The following BSX variants were observed in gnomAD, a reference collection of about 807,000 sequenced individuals.
BSX encodes brain specific homeobox, also known as brain-specific homeobox protein homolog.
A neutral mutation model predicts 16.9 loss-of-function variants in BSX; 12 were observed. The observed-to-expected ratio is 0.71, with a 90% CI of 0.46 to 1.15. BSX has a LOEUF of 1.15. Ranked by LOEUF, BSX falls within the 50% of genes most tolerant of loss-of-function variation. The pLI is 0.00. For missense variants in BSX, 292 were observed against 311.8 expected (o/e 0.94, Z 0.48); for synonymous variants, 160 against 136.4 (o/e 1.17, Z -1.20).
rs751359449 is a variant in BSX at position 122,981,400 on chromosome 11, T to A, written c.262+10A>T. ...CTCACTGCCCATACCTTGAGGTTCC[T>A]GTTACTTACCCGAGGTGGTGAGGAA... is the stretch of plus-strand genomic sequence containing the variant. On this transcript the variant is annotated intron_variant, in intron 1 of 2. Coordinates refer to ENST00000343035, the MANE Select transcript of BSX (RefSeq NM_001098169.2). 14 of 1,512,240 alleles carry A rather than the reference T, an allele frequency of 9.3e-6. No homozygotes were observed. The East Asian group carries it at 2.6e-4, about 28-fold the overall frequency. 93.7% of individuals were successfully genotyped at this position (1,512,240 alleles called of 1,614,324 possible).
chr11:122,977,633 T>TC lies in BSX; in HGVS notation c.*15dup, dbSNP rs748759617. 2 of 1,602,796 alleles carry TC rather than the reference T, an allele frequency of 1.2e-6. No homozygotes were observed. The highest frequency in any genetic ancestry group is 1.7e-6 in the Non-Finnish European group (2 of 1,179,092). Reference sequence around the variant, plus strand: ...CAGTCTCCTCCCCTGCCTACTACCCTCCCCAGCCTGGCGGCTCAGAGCACG... The same window carrying TC: ...CAGTCTCCTCCCCTGCCTACTACCCTCCCCCAGCCTGGCGGCTCAGAGCACG... On this transcript the variant is annotated 3_prime_UTR_variant, in exon 3 of 3. Transcript: ENST00000343035. This position sits in a 1 kb window ranked among gnomAD's most constrained non-coding sequence, Gnocchi z 4.5.
Position 122,977,838 on chromosome 11 carries a change from T to C in BSX, c.513A>G (p.Lys171=). Residue 171 remains lysine (K), a synonymous_variant, in exon 3 of 3, where the codon AAA becomes AAG. Coordinates refer to ENST00000343035, the MANE Select transcript of BSX (RefSeq NM_001098169.2). This position sits in a 1 kb window ranked among gnomAD's most constrained non-coding sequence, Gnocchi z 4.5. ...RRMKHKKQLR[K]SQDEPKAPDG... Reference sequence around the variant, plus strand: ...CTGGTGCTTTGGGTTCGTCTTGGCTTTTCCGCAGTTGCTTTTTATGCTTCA... The same window carrying C: ...CTGGTGCTTTGGGTTCGTCTTGGCTCTTCCGCAGTTGCTTTTTATGCTTCA... 1 of 1,613,984 alleles carries C rather than the reference T, an allele frequency of 6.2e-7. No homozygotes were observed. The highest frequency in any genetic ancestry group is 8.5e-7 in the Non-Finnish European group (1 of 1,179,958).
At chr11:122,978,255 T>G (rs1286808091) in intron 2 of BSX, among the ~76,000 whole-genome samples, 1 of 152,158 alleles carries the variant, frequency 6.6e-6, no homozygotes, top group African/African-American at 2.4e-5. Flanking sequence ...AAGATGAGAA[T>G]TGAAACTCCG....
rs138024906 is a variant in BSX at position 122,977,811 on chromosome 11, G to T, written c.540C>A (p.Asp180Glu). Reference protein sequence around the residue: ...RKSQDEPKAPDGPESPEGSPR... With the variant: ...RKSQDEPKAPEGPESPEGSPR... ...GGCTGCCCTCGGGGCTTTCTGGCCCGTCTGGTGCTTTGGGTTCGTCTTGGC... is the reference window on the plus strand; with the variant it reads ...GGCTGCCCTCGGGGCTTTCTGGCCCTTCTGGTGCTTTGGGTTCGTCTTGGC... The change falls in exon 3 of 3, where the codon GAC (aspartate) becomes GAA (glutamate). Residue 180 changes from aspartate to glutamate, a missense_variant. Transcript: ENST00000343035. This position sits in a 1 kb window ranked among gnomAD's most constrained non-coding sequence, Gnocchi z 4.5. The T allele has an allele frequency of 1.2e-6, 2 of 1,613,994 alleles. No individual in the cohort carries two copies. The highest frequency in any genetic ancestry group is 2.7e-5 in the African/African-American group (2 of 75,034).
chr11:122,981,295 G>C, intron 1 of BSX, 115 bp downstream of exon 1: 1 of 1,038,042 alleles, frequency 9.6e-7, no homozygotes, highest in Non-Finnish European at 1.4e-6. Context: ...AGGGAAAGAG[G>C]CCACCAAGCC....
chr11:122,977,621 T>G lies in BSX; in HGVS notation c.*28A>C, dbSNP rs376150216. On this transcript the variant is annotated 3_prime_UTR_variant, in exon 3 of 3. Transcript: ENST00000343035. The surrounding 1 kb of genome is among the most constrained non-coding windows in gnomAD (Gnocchi z 4.5). ...CGCTCGGCCCCGCAGTCTCCTCCCC[T>G]GCCTACTACCCTCCCCAGCCTGGCG... 7 of 1,592,730 alleles carry G rather than the reference T, an allele frequency of 4.4e-6. No individual in the cohort carries two copies. In the African/African-American group the frequency reaches 8.1e-5, roughly 18 times the overall value.
Position 122,981,570 on chromosome 11 carries a change from T to C in BSX, c.102A>G (p.Arg34=). Residue 34 remains arginine, a synonymous_variant, in exon 1 of 3, where the codon AGA becomes AGG. Transcript: ENST00000343035. ...DILLHKPKPL[R]EVAPDHFASS... ...TGGCGAAATGGTCTGGGGCCACCTC[T>C]CTCAGCGGCTTGGGCTTGTGCAGCA... 1.2e-6 allele frequency: 2 copies of C among 1,600,608 alleles called. No homozygotes were observed. Among genetic ancestry groups the C allele is most frequent in the Non-Finnish European group, 1.7e-6 (2 of 1,173,630 alleles).
Position 122,977,658 on chromosome 11 carries a change from G to A in BSX, c.693C>T (p.His231=). The stretch of plus-strand genomic sequence containing the variant: ...TCCCCAGCCTGGCGGCTCAGAGCAC[G>A]TGCGGCCCTGAGCCCAGCTCCCCCT... ...GDEGELGSGP[H]VL The change falls in exon 3 of 3, where the codon CAC becomes CAT. Residue 231 remains histidine, a synonymous_variant. Transcript: ENST00000343035. This position sits in a 1 kb window ranked among gnomAD's most constrained non-coding sequence, Gnocchi z 4.5. The A allele has an allele frequency of 2.5e-6, 4 of 1,608,778 alleles. No homozygotes were observed. The highest frequency in any genetic ancestry group is 3.4e-6 in the Non-Finnish European group (4 of 1,179,782).
intron 1 of BSX, among the ~76,000 whole-genome samples, chr11:122,979,756 TA>T (rs2135401121): frequency 6.6e-6 from 1 of 152,264 alleles, no homozygotes; most frequent in African/African-American, 2.4e-5. Context: ...GGAGGCTGTT[TA>T]AAAATGTCTT....
At position 122,977,967 on chromosome 11, in the gene BSX, G is replaced by A; in HGVS notation, c.460-76C>T. ...CCATCGCTGGGGTTTAGGAAAATGG[G>A]CTGCAGTCCGTTGATGAAGTATCCA... On this transcript the variant is annotated intron_variant, in intron 2 of 2. Coordinates refer to ENST00000343035, the MANE Select transcript of BSX (RefSeq NM_001098169.2). The surrounding 1 kb of genome is among the most constrained non-coding windows in gnomAD (Gnocchi z 4.5). 6.4e-7 allele frequency: 1 copy of A among 1,563,512 alleles called. No homozygotes were observed. The highest frequency in any genetic ancestry group is 8.7e-7 in the Non-Finnish European group (1 of 1,147,426).
chr11:122,979,381 G>A lies in BSX; in HGVS notation c.339C>T (p.Ala113=). 1 of 1,614,100 alleles carries A rather than the reference G, an allele frequency of 6.2e-7. No homozygotes were observed. Among genetic ancestry groups the A allele is most frequent in the Non-Finnish European group, 8.5e-7 (1 of 1,179,998 alleles). Reference sequence around the variant, plus strand: ...GCTGCGAGTCAGAGAAAACCGTGCGGGCTTTGCGGCGGCGGCAGTGCTTCC... The same window carrying A: ...GCTGCGAGTCAGAGAAAACCGTGCGAGCTTTGCGGCGGCGGCAGTGCTTCC... The part of the protein sequence containing the change: ...LPGKHCRRRK[A]RTVFSDSQLS... Residue 113 remains alanine (A), a synonymous_variant, in exon 2 of 3, where the codon GCC becomes GCT. Coordinates refer to ENST00000343035, the MANE Select transcript of BSX (RefSeq NM_001098169.2).
At position 122,981,615 on chromosome 11, in the gene BSX, G is replaced by A; in HGVS notation, c.57C>T (p.Ser19=). 1 of 1,599,478 alleles carries A rather than the reference G, an allele frequency of 6.3e-7. No individual in the cohort carries two copies. Among genetic ancestry groups the A allele is most frequent in the Non-Finnish European group, 8.5e-7 (1 of 1,173,254 alleles). Residue 19 remains serine, a synonymous_variant, in exon 1 of 3, where the codon TCC becomes TCT. Coordinates refer to ENST00000343035, the MANE Select transcript of BSX (RefSeq NM_001098169.2). ...LHPASSQRPT[S]FFIEDILLHK... ...GCAGCAGGATGTCCTCGATGAAGAAGGATGTGGGCCTCTGAGAAGACGCCG... is the reference window on the plus strand; with the variant it reads ...GCAGCAGGATGTCCTCGATGAAGAAAGATGTGGGCCTCTGAGAAGACGCCG...
rs747301416 is a variant in BSX, at chr11:122,981,639, C to T, written c.33G>A (p.Pro11=). Residue 11 remains proline, a synonymous_variant, in exon 1 of 3, where the codon CCG becomes CCA. Coordinates refer to ENST00000343035, the MANE Select transcript of BSX (RefSeq NM_001098169.2). ...AGGATGTGGGCCTCTGAGAAGACGC[C>T]GGGTGTAGAGGAGAGGTGAAGTTGA... MNLNFTSPLH[P]ASSQRPTSFF... The T allele has an allele frequency of 7.5e-6, 12 of 1,595,016 alleles. No homozygotes were observed. Among genetic ancestry groups the T allele is most frequent in the Non-Finnish European group, 1.0e-5 (12 of 1,171,384 alleles).
In BSX at chr11:122,977,658, G is replaced by T. The variant is rs61737277; in HGVS notation, c.693C>A (p.His231Gln). ...TCCCCAGCCTGGCGGCTCAGAGCAC[G>T]TGCGGCCCTGAGCCCAGCTCCCCCT... Reference protein sequence around the residue: ...GDEGELGSGPHVL With the variant: ...GDEGELGSGPQVL The change falls in exon 3 of 3, where the codon CAC becomes CAA. Residue 231 changes from histidine to glutamine, a missense_variant. By Grantham distance (24) the His-to-Gln change is conservative. Around this residue, in one of 3 missense-constraint regions of BSX, gnomAD observed 107 missense variants for 97.1 expected, o/e 1.10. Transcript: ENST00000343035. This position sits in a 1 kb window ranked among gnomAD's most constrained non-coding sequence, Gnocchi z 4.5. 4,718 of 1,608,778 alleles carry T rather than the reference G, an allele frequency of 2.9e-3. 102 individuals are homozygous for T. In the African/African-American group the frequency reaches 0.054, roughly 18 times the overall value.
chr11:122,978,610 G>A (rs913999778), intron 2 of BSX, among the ~76,000 whole-genome samples: 61 of 151,988 alleles, frequency 4.0e-4, no homozygotes, highest in African/African-American at 1.4e-3. Flanking sequence ...CCTCTGACCC[G>A]GGTTCCCAGC....
chr11:122,977,619 C>G lies in BSX; in HGVS notation c.*30G>C. 1 of 1,591,974 alleles carries G rather than the reference C, an allele frequency of 6.3e-7. No individual in the cohort carries two copies. The highest frequency in any genetic ancestry group is 8.5e-7 in the Non-Finnish European group (1 of 1,175,862). ...CGCGCTCGGCCCCGCAGTCTCCTCC[C>G]CTGCCTACTACCCTCCCCAGCCTGG... On this transcript the variant is annotated 3_prime_UTR_variant, in exon 3 of 3. Coordinates refer to ENST00000343035, the MANE Select transcript of BSX (RefSeq NM_001098169.2). This position sits in a 1 kb window ranked among gnomAD's most constrained non-coding sequence, Gnocchi z 4.5.
chr11:122,977,703 G>C lies in BSX; in HGVS notation c.648C>G (p.Asp216Glu). ...AGPFVLTEPEDEVDIGDEGEL... is the reference protein window; with the variant it reads ...AGPFVLTEPEEEVDIGDEGEL... The stretch of plus-strand genomic sequence containing the variant: ...CCCCCTCGTCTCCAATGTCCACCTC[G>C]TCCTCTGGCTCGGTCAGCACGAAGG... Residue 216 changes from aspartate (D) to glutamate (E), a missense_variant, in exon 3 of 3, where the codon GAC (aspartate) becomes GAG (glutamate). Physicochemically the swap from Asp to Glu is conservative, Grantham distance 45 (BLOSUM62 2). Around this residue, in one of 3 missense-constraint regions of BSX, gnomAD observed 107 missense variants for 97.1 expected, o/e 1.10. Coordinates refer to ENST00000343035, the MANE Select transcript of BSX (RefSeq NM_001098169.2). This position sits in a 1 kb window ranked among gnomAD's most constrained non-coding sequence, Gnocchi z 4.5. 2 of 1,612,754 alleles carry C rather than the reference G, an allele frequency of 1.2e-6. No homozygotes were observed. Among genetic ancestry groups the C allele is most frequent in the Non-Finnish European group, 1.7e-6 (2 of 1,179,826 alleles).
intron 1 of BSX, among the ~76,000 whole-genome samples, chr11:122,980,748 C>T (rs916845640): frequency 1.3e-5 from 2 of 152,208 alleles, no homozygotes; most frequent in African/African-American, 4.8e-5. Context: ...CACCCGGCTC[C>T]AGCAATGCTG....
chr11:122,980,740 C>T (rs1300725150), intron 1 of BSX, among the ~76,000 whole-genome samples: 1 of 152,206 alleles, frequency 6.6e-6, no homozygotes, highest in African/African-American at 2.4e-5. Context: ...TACTTTAGCA[C>T]CCGGCTCCAG....
Sources: allele counts gnomAD v4.1 joint callset (sites outside exome capture counted in the v4.1 genomes callset), GRCh38; gene constraint gnomAD v4.1.1; regional missense constraint gnomAD v4.1.1; non-coding constraint Gnocchi (gnomAD v3.1); transcripts MANE v1.5; gene names NCBI Gene and HGNC (gene_info 2026-07-23, HGNC 2026-07-21).